Variants in SGCG observed in about 807,000 individuals in gnomAD.
SGCG encodes the protein gamma-sarcoglycan.
SGCG carries 26 observed loss-of-function variants against 29.3 expected under a neutral mutation model. That is an observed-to-expected ratio of 0.89 (90% confidence interval 0.65 to 1.23). The LOEUF (loss-of-function observed/expected upper bound fraction) is 1.23, where lower values mean the gene tolerates loss of function less well. Ranked by LOEUF, SGCG falls within the 50% of genes most tolerant of loss-of-function variation. The pLI is 0.00. For synonymous variants in SGCG, 145 were observed against 129.7 expected, an observed-to-expected ratio of 1.12 and a Z score of -0.80; for missense variants, 353 against 356.0, an observed-to-expected ratio of 0.99 and a Z score of 0.07.
intron 6 of SGCG, among the ~76,000 whole-genome samples, chr13:23,315,286 T>C (rs1882763196): frequency 6.6e-6 from 1 of 152,178 alleles, no homozygotes; most frequent in African/African-American, 2.4e-5. Context: ...GTAAACTGGG[T>C]GGGTGCCTTT....
chr13:23,282,734 G>A (rs143496522), intron 5 of SGCG, among the ~76,000 whole-genome samples: 24 of 152,078 alleles, frequency 1.6e-4, no homozygotes, highest in African/African-American at 5.1e-4. Flanking sequence ...GAGCATTTAC[G>A]GTGATTCTAT....
chr13:23,192,831 A>G (rs1234734597), intron 1 of SGCG, among the ~76,000 whole-genome samples: 1 of 152,256 alleles, frequency 6.6e-6, no homozygotes, highest in Non-Finnish European at 1.5e-5. Context: ...GGATGAGGAT[A>G]TACTTTATTC....
chr13:23,168,801 AT>A, the SGCG span, among the ~76,000 whole-genome samples: 1 of 152,182 alleles, frequency 6.6e-6, no homozygotes, highest in Non-Finnish European at 1.5e-5. Flanking sequence ...GGCATCTGCT[AT>A]TAATATGCAC....
Position 23,250,552 on chromosome 13 carries a change from C to A in SGCG, c.298-78C>A, listed in dbSNP as rs748364126. On this transcript the variant is annotated intron_variant, in intron 3 of 7. Transcript: ENST00000218867. ...ATGGATAAATAATTTTATAAAAATCCTAAATTTACACAGAATTATAAAGAT... is the reference window on the plus strand; with the variant it reads ...ATGGATAAATAATTTTATAAAAATCATAAATTTACACAGAATTATAAAGAT... 4 of 766,614 alleles carry A rather than the reference C, an allele frequency of 5.2e-6. No homozygotes were observed. In the Admixed American group the frequency reaches 8.1e-5, roughly 15 times the overall value. The allele number at this position is 766,614 out of a possible 1,614,324, so 47.5% of individuals were successfully genotyped here.
chr13:23,203,522 C>A (rs955876014), intron 1 of SGCG, among the ~76,000 whole-genome samples, 173 bp from the exon 2 acceptor site: 1 of 152,100 alleles, frequency 6.6e-6, no homozygotes, highest in Non-Finnish European at 1.5e-5. Context: ...AACACAGTGA[C>A]ATGTTTCAAA....
rs142878456 is a variant in SGCG, at chr13:23,320,276, C to A, written c.579-361C>A. Among the ~76,000 whole-genome samples the A allele has an allele frequency of 5.6e-3, 859 of 152,228 alleles. 3 individuals carry two copies. The highest frequency in any genetic ancestry group is 0.017 in the Middle Eastern group (5 of 294). On this transcript the variant is annotated intron_variant, in intron 6 of 7. Coordinates refer to ENST00000218867, the MANE Select transcript of SGCG (RefSeq NM_000231.3). Reference sequence around the variant, plus strand: ...AAGAGCCACTGCACTCTAGCCTGGGCAACATAACGAAAATAATTTTGTATA... The same window carrying A: ...AAGAGCCACTGCACTCTAGCCTGGGAAACATAACGAAAATAATTTTGTATA...
intron 6 of SGCG, among the ~76,000 whole-genome samples, chr13:23,318,843 G>T (rs1160039931): frequency 6.6e-6 from 1 of 152,212 alleles, no homozygotes; most frequent in Admixed American, 6.5e-5. Context: ...AAGTCATTTT[G>T]TTGTCGTTTA....
chr13:23,320,770 T>G lies in SGCG; in HGVS notation c.702+10T>G, dbSNP rs758117370. The G allele has an allele frequency of 6.2e-7, 1 of 1,612,584 alleles. No homozygotes were observed. Among genetic ancestry groups the G allele is most frequent in the Non-Finnish European group, 8.5e-7 (1 of 1,178,896 alleles). Reference sequence around the variant, plus strand: ...TAGTAGTGATGGAATGGTGAGTTCATTCACAGATCAGCCTCCTACTGTATG... The same window carrying G: ...TAGTAGTGATGGAATGGTGAGTTCAGTCACAGATCAGCCTCCTACTGTATG... On this transcript the variant is annotated intron_variant, in intron 7 of 7. Transcript: ENST00000218867.
intron 4 of SGCG, among the ~76,000 whole-genome samples, chr13:23,270,707 G>T (rs1275412985): frequency 3.3e-5 from 5 of 152,076 alleles, no homozygotes; most frequent in African/African-American, 4.8e-5. Flanking sequence ...TTCAAACATA[G>T]AATCTTTTTT....
intron 6 of SGCG, among the ~76,000 whole-genome samples, chr13:23,299,407 C>CATATAT (rs1191940207): frequency 3.3e-4 from 8 of 23,888 alleles, no homozygotes; most frequent in South Asian, 2.5e-3. Flanking sequence ...TCTTAGTTGG[C>CATATAT]ATATATATAT....
chr13:23,309,907 G>T (rs944796491), intron 6 of SGCG, among the ~76,000 whole-genome samples: 1 of 151,642 alleles, frequency 6.6e-6, no homozygotes, highest in Non-Finnish European at 1.5e-5. Context: ...ATTTTTCCTT[G>T]TTACTCATTA....
chr13:23,170,173 G>A, the SGCG span: 1 of 152,348 alleles, frequency 6.6e-6, no homozygotes, highest in African/African-American at 2.4e-5. Context: ...CCTGTCCTGA[G>A]TCACATGAAA....
chr13:23,255,531 A>G (rs1253095483), intron 4 of SGCG, among the ~76,000 whole-genome samples: 2 of 152,076 alleles, frequency 1.3e-5, no homozygotes, highest in African/African-American at 4.8e-5. Flanking sequence ...GAAGAGTGAT[A>G]TGGTTTGAAT....
chr13:23,286,527 T>G (rs986602984), intron 5 of SGCG, among the ~76,000 whole-genome samples: 2 of 152,234 alleles, frequency 1.3e-5, no homozygotes, highest in Non-Finnish European at 1.5e-5. Context: ...CTCATTATCT[T>G]CAGGGGATAC....
intron 2 of SGCG, among the ~76,000 whole-genome samples, chr13:23,219,084 G>A (rs562063283): frequency 1.4e-5 from 2 of 147,180 alleles, no homozygotes; most frequent in South Asian, 4.3e-4. Context: ...GTCTTGATCT[G>A]TCGCCCAGGC....
intron 6 of SGCG, among the ~76,000 whole-genome samples, chr13:23,304,704 A>G (rs1171715620): frequency 6.6e-6 from 1 of 152,086 alleles, no homozygotes; most frequent in African/African-American, 2.4e-5. Context: ...CCTGGGTTCA[A>G]GCGATTCTCC....
At chr13:23,182,007 C>T (rs940846729) in intron 1 of SGCG, among the ~76,000 whole-genome samples, 1 of 152,160 alleles carries the variant, frequency 6.6e-6, no homozygotes, top group Non-Finnish European at 1.5e-5. Context: ...TTCTAGGATT[C>T]ATTTCAGATT....
the SGCG span, among the ~76,000 whole-genome samples, chr13:23,164,062 C>T: frequency 2.6e-5 from 4 of 152,300 alleles, no homozygotes; most frequent in Admixed American, 2.6e-4. Flanking sequence ...GCCCTGCTGT[C>T]CTGACCAGTC....
At chr13:23,163,887 ATGT>A in the SGCG span, among the ~76,000 whole-genome samples, 1 of 152,214 alleles carries the variant, frequency 6.6e-6, no homozygotes, top group Non-Finnish European at 1.5e-5. Context: ...TTTATAAGGA[ATGT>A]TTATGAAAAT....
Sources: allele counts gnomAD v4.1 joint callset (sites outside exome capture counted in the v4.1 genomes callset), GRCh38; gene constraint gnomAD v4.1.1; transcripts MANE v1.5; gene names NCBI Gene and HGNC (gene_info 2026-07-23, HGNC 2026-07-21).